PRKN: variants seen among roughly 807,000 people sequenced by gnomAD.
The protein encoded by PRKN is parkin RBR E3 ubiquitin protein ligase, also known as E3 ubiquitin-protein ligase parkin.
Under a neutral mutation model 59.5 loss-of-function variants are expected in PRKN, and 56 were observed. The observed-to-expected ratio is 0.94, with a 90% CI of 0.76 to 1.18. PRKN has a LOEUF of 1.18. Ranked by LOEUF, PRKN falls within the 50% of genes most tolerant of loss-of-function variation. The probability of loss-of-function intolerance (pLI) is 0.00; values close to 1 mark genes in which losing one functional copy is unlikely to be tolerated. For missense variants in PRKN, 657 were observed against 596.4 expected (o/e 1.10, Z -1.06); for synonymous variants, 250 against 222.1 (o/e 1.13, Z -1.12).
rs771032187 is a variant in PRKN at position 161,393,519 on chromosome 6, T to C, written c.1084-6642A>G. Among the ~76,000 whole-genome samples the C allele has an allele frequency of 2.0e-5, 3 of 152,166 alleles. No individual in the cohort carries two copies. Among genetic ancestry groups the C allele is most frequent in the Non-Finnish European group, 4.4e-5 (3 of 68,052 alleles). On this transcript the variant is annotated intron_variant, in intron 9 of 11. Transcript: ENST00000366898. The surrounding 1 kb of genome is among the most constrained non-coding windows in gnomAD (Gnocchi z 4.7). Reference sequence around the variant, plus strand: ...ATCATGCCTCTCATTCAATATCATGTCAGTGCAGTAGTCATTTGATTGATG... The same window carrying C: ...ATCATGCCTCTCATTCAATATCATGCCAGTGCAGTAGTCATTTGATTGATG...
chr6:162,162,137 C>T (rs1053966222), intron 4 of PRKN, among the ~76,000 whole-genome samples: 16 of 152,108 alleles, frequency 1.1e-4, no homozygotes, highest in Non-Finnish European at 1.5e-4. Flanking sequence ...AGCTGGAGTG[C>T]AGTGGTGCAA....
chr6:162,556,124 C>G (rs9365463), intron 1 of PRKN, among the ~76,000 whole-genome samples: 82,040 of 151,866 alleles, frequency 0.54, 22,538 homozygotes, highest in East Asian at 0.71. Context: ...GGCAATACAT[C>G]CGTACTGTGT....
intron 2 of PRKN, among the ~76,000 whole-genome samples, chr6:162,293,299 C>T (rs1781523782): frequency 6.6e-6 from 1 of 152,074 alleles, no homozygotes; most frequent in South Asian, 2.1e-4. Flanking sequence ...GGAAAGAACC[C>T]GAATGGGAAA....
intron 9 of PRKN, among the ~76,000 whole-genome samples, chr6:161,539,201 T>G (rs1188311806): frequency 6.6e-6 from 1 of 152,272 alleles, no homozygotes; most frequent in Non-Finnish European, 1.5e-5. Flanking sequence ...TTTAAACATT[T>G]TGTGTAATTT....
At chr6:161,681,291 C>G (rs1039868137) in intron 7 of PRKN, among the ~76,000 whole-genome samples, 3 of 152,164 alleles carry the variant, frequency 2.0e-5, no homozygotes, top group African/African-American at 7.2e-5. Context: ...GATGGGTATG[C>G]TTTTGTGGCC....
intron 1 of PRKN, among the ~76,000 whole-genome samples, chr6:162,584,030 G>A (rs62430904): frequency 0.015 from 2,336 of 152,040 alleles, 24 homozygotes; most frequent in South Asian, 0.033. Flanking sequence ...TGGCTAACAC[G>A]GTGAAACCCC....
chr6:162,236,775 C>A (rs1210298437), intron 3 of PRKN, among the ~76,000 whole-genome samples: 2 of 148,316 alleles, frequency 1.3e-5, no homozygotes, highest in Non-Finnish European at 3.0e-5. Context: ...GCCTGGGTGA[C>A]AAGAGAGAAA....
At chr6:162,417,099 G>A (rs905670753) in intron 2 of PRKN, among the ~76,000 whole-genome samples, 1 of 152,122 alleles carries the variant, frequency 6.6e-6, no homozygotes, top group African/African-American at 2.4e-5. Context: ...AAACAACACA[G>A]GGTAAGAGAT....
intron 6 of PRKN, among the ~76,000 whole-genome samples, chr6:161,955,659 T>G (rs1443184232): frequency 6.6e-6 from 1 of 152,164 alleles, no homozygotes; most frequent in Admixed American, 6.5e-5. Flanking sequence ...GAGACCAGCC[T>G]GATGAATATG....
intron 9 of PRKN, among the ~76,000 whole-genome samples, chr6:161,528,930 A>C (rs533405315): frequency 2.0e-5 from 3 of 152,284 alleles, no homozygotes; most frequent in Admixed American, 2.0e-4. Flanking sequence ...CCGTGTACCA[A>C]GGGTCGAAGA....
rs1171548218 is a variant in PRKN, at chr6:162,531,057, CAAAAAAAAAA to C, written c.8-87594_8-87585del. ...GGGTAACAGAGCAAGACTCCATCTC[CAAAAAAAAAA>C]AAAAAAAAAAATGTACAGGCCAGGC... On this transcript the variant is annotated intron_variant, in intron 1 of 11. Transcript: ENST00000366898. Among the ~76,000 whole-genome samples the C allele has an allele frequency of 6.3e-5, 5 of 79,902 alleles. No individual in the cohort carries two copies. In the Admixed American group the frequency reaches 8.5e-4, roughly 14 times the overall value. The allele number at this position is 79,902 out of a possible 152,430, so 52.4% of individuals were successfully genotyped here.
intron 7 of PRKN, among the ~76,000 whole-genome samples, chr6:161,733,204 T>C (rs1009833349): frequency 8.5e-5 from 13 of 152,180 alleles, no homozygotes; most frequent in South Asian, 2.1e-4. Context: ...TTTAGGACAA[T>C]ATGGATTTTT....
intron 1 of PRKN, among the ~76,000 whole-genome samples, chr6:162,596,390 G>T (rs1781495264): frequency 6.6e-6 from 1 of 152,152 alleles, no homozygotes; most frequent in African/African-American, 2.4e-5. Context: ...TCCATTGAGT[G>T]AAAGGAATAA....
chr6:162,594,464 C>G (rs1382275470), intron 1 of PRKN, among the ~76,000 whole-genome samples: 1 of 152,128 alleles, frequency 6.6e-6, no homozygotes, highest in African/African-American at 2.4e-5. Flanking sequence ...CAGCCTTCCC[C>G]TTCCTCTTTT....
intron 7 of PRKN, among the ~76,000 whole-genome samples, chr6:161,768,629 T>C (rs1204228097): frequency 6.6e-6 from 1 of 152,232 alleles, no homozygotes; most frequent in African/African-American, 2.4e-5. Flanking sequence ...TTTCTTCCTG[T>C]AGCCCAATGA....
At chr6:161,907,249 A>G (rs1778184711) in intron 6 of PRKN, among the ~76,000 whole-genome samples, 1 of 152,120 alleles carries the variant, frequency 6.6e-6, no homozygotes, top group Admixed American at 6.6e-5. Flanking sequence ...GATGAATTTC[A>G]CTGGTTTACA....
chr6:161,366,363 G>C (rs143221497), intron 10 of PRKN, among the ~76,000 whole-genome samples: 1 of 152,280 alleles, frequency 6.6e-6, no homozygotes, highest in East Asian at 1.9e-4. Context: ...AGGCACACGT[G>C]AGCCAAGGAG....
intron 6 of PRKN, among the ~76,000 whole-genome samples, chr6:161,957,479 C>T (rs1780222367): frequency 6.8e-6 from 1 of 147,772 alleles, no homozygotes; most frequent in East Asian, 2.0e-4. Context: ...GGCTGAAGTG[C>T]AGTGGCACAA....
At chr6:162,575,915 A>G (rs1780536692) in intron 1 of PRKN, among the ~76,000 whole-genome samples, 1 of 151,524 alleles carries the variant, frequency 6.6e-6, no homozygotes, top group Admixed American at 6.6e-5. Flanking sequence ...CCCAGCAGCA[A>G]CTCTCCAGTC....
Sources: gnomAD v4.1 joint callset for allele counts (sites outside exome capture counted in the v4.1 genomes callset) on GRCh38, gnomAD v4.1.1 for gene constraint, Gnocchi (gnomAD v3.1) non-coding constraint, MANE v1.5 for transcripts, NCBI Gene and HGNC (gene_info 2026-07-23, HGNC 2026-07-21) for gene names.